Variants in TLK2 observed in about 807,000 individuals in gnomAD.
TLK2 encodes serine/threonine-protein kinase tousled-like 2.
Under a neutral mutation model 117.3 loss-of-function variants are expected in TLK2, and 6 were observed. That is an observed-to-expected ratio of 0.05 (90% CI 0.03 to 0.10). The LOEUF (loss-of-function observed/expected upper bound fraction) is 0.10. TLK2 is among the 10% of genes least tolerant of loss of function. The probability of loss-of-function intolerance (pLI) is 1.00; values close to 1 mark genes in which losing one functional copy is unlikely to be tolerated. For synonymous variants in TLK2, 257 were observed against 316.7 expected (o/e 0.81, Z 2.00); for missense variants, 299 against 901.2 (o/e 0.33, Z 8.56).
intron 9 of TLK2, among the ~76,000 whole-genome samples, chr17:62,554,284 A>G (rs138576049): frequency 6.6e-6 from 1 of 152,168 alleles, no homozygotes; most frequent in Non-Finnish European, 1.5e-5. Context: ...GTTTTTAAAG[A>G]GTAAAAAGGG....
chr17:62,568,856 G>A (rs765370852), intron 11 of TLK2, among the ~76,000 whole-genome samples: 11 of 151,940 alleles, frequency 7.2e-5, no homozygotes, highest in African/African-American at 1.5e-4. Context: ...ACCAGTATCC[G>A]TTTTAAAGCA....
chr17:62,600,624 G>T (rs1358814373), intron 17 of TLK2, 27 bp from the exon 18 acceptor site: 8 of 1,573,084 alleles, frequency 5.1e-6, no homozygotes, highest in Non-Finnish European at 6.9e-6. Context: ...TTATTCCATG[G>T]TTAAATATTG....
intron 7 of TLK2, among the ~76,000 whole-genome samples, chr17:62,542,672 C>G (rs1821349067): frequency 1.3e-5 from 2 of 152,174 alleles, no homozygotes; most frequent in Admixed American, 1.3e-4. Context: ...ATTGGACTCA[C>G]TGAAAAGAAG....
At chr17:62,473,736 T>G (rs1231399140) in intron 1 of TLK2, among the ~76,000 whole-genome samples, 3 of 152,228 alleles carry the variant, frequency 2.0e-5, no homozygotes, top group African/African-American at 7.2e-5. Context: ...TAAAGTTTTA[T>G]TGGAACACAG....
intron 2 of TLK2, among the ~76,000 whole-genome samples, chr17:62,500,317 C>CT (rs1323780488): frequency 8.6e-5 from 13 of 151,116 alleles, no homozygotes; most frequent in African/African-American, 3.1e-4. Flanking sequence ...AGTATAAACA[C>CT]TAAGTATAAA....
chr17:62,609,544 T>G, intron 21 of TLK2, among the ~76,000 whole-genome samples: 1 of 152,236 alleles, frequency 6.6e-6, no homozygotes, highest in East Asian at 1.9e-4. Context: ...AATTCCTGAC[T>G]GATGGCTCCC....
At chr17:62,522,155 G>A (rs779428775) in intron 3 of TLK2, 49 bp from the exon 4 acceptor site, 128 of 1,589,460 alleles carry the variant, frequency 8.1e-5, no homozygotes, top group Non-Finnish European at 1.1e-4. Context: ...TTTTCCTAAC[G>A]TGAAAAATTT....
intron 15 of TLK2, among the ~76,000 whole-genome samples, chr17:62,580,608 A>T (rs573929800): frequency 1.1e-3 from 166 of 152,244 alleles, no homozygotes; most frequent in Non-Finnish European, 2.0e-3. Context: ...TTTGTTTTAG[A>T]AGTGTTCTAA....
chr17:62,588,325 G>A (rs1384494349), intron 16 of TLK2, among the ~76,000 whole-genome samples: 6 of 152,160 alleles, frequency 3.9e-5, no homozygotes, highest in Admixed American at 2.0e-4. Flanking sequence ...GAAACACTGA[G>A]GAGTGGAAGC....
chr17:62,484,130 C>T (rs573398898), intron 2 of TLK2, among the ~76,000 whole-genome samples: 6 of 151,178 alleles, frequency 4.0e-5, no homozygotes, highest in African/African-American at 9.7e-5. Context: ...CTTAAGTAGT[C>T]GTATGTTACT....
chr17:62,565,915 T>G (rs2079750101), intron 11 of TLK2, among the ~76,000 whole-genome samples: 1 of 152,162 alleles, frequency 6.6e-6, no homozygotes, highest in Admixed American at 6.5e-5. Context: ...TTCCTGGGAT[T>G]ATTTAAGGAG....
Position 62,597,444 on chromosome 17 carries a change from T to G in TLK2, c.1550+770T>G, listed in dbSNP as rs80008383. On this transcript the variant is annotated intron_variant, in intron 17 of 21. Coordinates refer to ENST00000346027, the MANE Select transcript of TLK2 (RefSeq NM_006852.6). ...AAAATTCTTGAAAATTTAAGTCAGC[T>G]CTTGGAAACTGGCATGAGTTGGTGC... Among the ~76,000 whole-genome samples, 899 of 152,340 alleles carry G rather than the reference T, an allele frequency of 5.9e-3. 7 individuals carry two copies. Among genetic ancestry groups the G allele is most frequent in the African/African-American group, 0.02 (817 of 41,576 alleles).
At chr17:62,598,563 TG>T (rs750039525) in intron 17 of TLK2, among the ~76,000 whole-genome samples, 1 of 152,092 alleles carries the variant, frequency 6.6e-6, no homozygotes, top group Non-Finnish European at 1.5e-5. Context: ...CTCACTCTGT[TG>T]CCCAGGCTGG....
At chr17:62,560,858 G>A (rs1347242538) in intron 10 of TLK2, among the ~76,000 whole-genome samples, 1 of 151,786 alleles carries the variant, frequency 6.6e-6, no homozygotes, top group Non-Finnish European at 1.5e-5. Flanking sequence ...TTAAGTTTTA[G>A]GGTATATGTG....
intron 9 of TLK2, among the ~76,000 whole-genome samples, chr17:62,558,153 C>CT (rs963799813): frequency 3.2e-4 from 45 of 141,864 alleles, no homozygotes; most frequent in South Asian, 6.8e-4. Context: ...TAGCCAGCTG[C>CT]TTTTTTTTTT....
intron 7 of TLK2, among the ~76,000 whole-genome samples, chr17:62,547,984 A>G (rs1183048899): frequency 6.6e-6 from 1 of 152,126 alleles, no homozygotes; most frequent in African/African-American, 2.4e-5. Context: ...GATTGTTTGT[A>G]TTATATTCAG....
chr17:62,559,222 G>A lies in TLK2; in HGVS notation c.721-794G>A, dbSNP rs1180909262. Among the ~76,000 whole-genome samples the A allele has an allele frequency of 1.5e-4, 23 of 152,220 alleles. No homozygotes were observed. The South Asian group carries it at 3.5e-3, about 23-fold the overall frequency. Reference sequence around the variant, plus strand: ...TGTTCTGTCTTTTGTGGGCATGGGCGTGCCTGGCTTCTCTGGTGAGGAACA... The same window carrying A: ...TGTTCTGTCTTTTGTGGGCATGGGCATGCCTGGCTTCTCTGGTGAGGAACA... On this transcript the variant is annotated intron_variant, in intron 9 of 21. Transcript: ENST00000346027.
At chr17:62,534,233 GA>G (rs1403954399) in intron 6 of TLK2, among the ~76,000 whole-genome samples, 1 of 152,116 alleles carries the variant, frequency 6.6e-6, no homozygotes, top group African/African-American at 2.4e-5. Context: ...GCATGAGAGA[GA>G]ACCTAGATGA....
rs188694725 is a variant in TLK2, at chr17:62,584,083, T to A, written c.1369-2052T>A. ...ATTGGTGCTCTTATAAATTGGGTGG[T>A]ATTTAATGTTTTTTTCTTTTGTGGT... On this transcript the variant is annotated intron_variant, in intron 15 of 21. Transcript: ENST00000346027. Among the ~76,000 whole-genome samples the A allele has an allele frequency of 2.0e-3, 300 of 150,616 alleles. 2 individuals are homozygous for A. Among genetic ancestry groups the A allele is most frequent in the Admixed American group, 0.016 (235 of 14,968 alleles).
Sources: gnomAD v4.1 joint callset for allele counts (sites outside exome capture counted in the v4.1 genomes callset) on GRCh38, gnomAD v4.1.1 for gene constraint, MANE v1.5 for transcripts, NCBI Gene and HGNC (gene_info 2026-07-23, HGNC 2026-07-21) for gene names.